BAIAP2L2: variants seen among roughly 807,000 people sequenced by gnomAD.
BAIAP2L2 encodes the protein BAR/IMD domain-containing adapter protein 2-like 2.
A neutral mutation model predicts 60.4 loss-of-function variants in BAIAP2L2; 65 were observed. That is an observed-to-expected ratio of 1.08 (90% CI 0.88 to 1.32). The LOEUF is 1.32. Ranked by LOEUF, BAIAP2L2 falls within the 40% of genes most tolerant of loss-of-function variation. The pLI is 0.00. For missense variants in BAIAP2L2, 836 were observed against 741.2 expected, an observed-to-expected ratio of 1.13 and a Z score of -1.48; for synonymous variants, 344 against 301.7, an observed-to-expected ratio of 1.14 and a Z score of -1.45.
chr22:38,086,761 C>G (rs2086088474), intron 11 of BAIAP2L2, among the ~76,000 whole-genome samples: 1 of 152,006 alleles, frequency 6.6e-6, no homozygotes, highest in African/African-American at 2.4e-5. Flanking sequence ...TTTGGGAGAC[C>G]GAGGTGGGTG....
In BAIAP2L2 at chr22:38,085,369, T is replaced by C; in HGVS notation, c.1521A>G (p.Thr507=). The C allele has an allele frequency of 1.2e-6, 2 of 1,613,840 alleles. No homozygotes were observed. The highest frequency in any genetic ancestry group is 1.1e-5 in the South Asian group (1 of 91,050). ...GAAGCTTGACAGTGGCAAAAGGATTTGTGCCCCTGTAGGAGGAGAGAGAGA... is the reference window on the plus strand; with the variant it reads ...GAAGCTTGACAGTGGCAAAAGGATTCGTGCCCCTGTAGGAGGAGAGAGAGA... ...YPPQELFPRG[T]NPFATVKLRP... Residue 507 remains threonine (T), a synonymous_variant, in exon 14 of 14, where the codon ACA becomes ACG. Coordinates refer to ENST00000381669, the MANE Select transcript of BAIAP2L2 (RefSeq NM_025045.6).
At chr22:38,089,482 GC>G in intron 8 of BAIAP2L2, 39 bp downstream of exon 8, 1 of 1,153,550 alleles carries the variant, frequency 8.7e-7, no homozygotes, top group Non-Finnish European at 1.1e-6. Context: ...GCGGGGGGCG[GC>G]GGGGGCGCGA....
rs1346231021 is a variant in BAIAP2L2, at chr22:38,097,088, AG to A, written c.555del (p.Phe186SerfsTer2). 1 of 1,613,988 alleles carries A rather than the reference AG, an allele frequency of 6.2e-7. No homozygotes were observed. The highest frequency in any genetic ancestry group is 1.7e-5 in the Admixed American group (1 of 60,008). On this transcript the variant is annotated frameshift_variant, in exon 7 of 14. Coordinates refer to ENST00000381669, the MANE Select transcript of BAIAP2L2 (RefSeq NM_025045.6). LOFTEE classifies it high-confidence loss of function. ...AGTAGCAGGTGCTTCTCTGCTAGGA[AG>A]CGATAGCGCCGCTTCTCTTCCAATT... is the stretch of plus-strand genomic sequence containing the variant. ...AAELEEKRRY[R>X]FLAEKHLLLS...
Position 38,087,238 on chromosome 22 carries a change from A to C in BAIAP2L2, c.1145T>G (p.Val382Gly). Residue 382 changes from valine (V) to glycine (G), a missense_variant, in exon 11 of 14, where the codon GTG becomes GGG. Coordinates refer to ENST00000381669, the MANE Select transcript of BAIAP2L2 (RefSeq NM_025045.6). ...CACGGGCCCCTCCTCCAGAGCCTTC[A>C]CGTACGCCTCGGGGAACCAACCGCT... ...SASGWFPEAYVKALEEGPVNP... is the reference protein window; with the variant it reads ...SASGWFPEAYGKALEEGPVNP... 1 of 1,606,924 alleles carries C rather than the reference A, an allele frequency of 6.2e-7. No individual in the cohort carries two copies.
chr22:38,089,244 T>C lies in BAIAP2L2; in HGVS notation c.766-13A>G, dbSNP rs577567396. On this transcript the variant is annotated splice_polypyrimidine_tract_variant and intron_variant, in intron 8 of 13. Coordinates refer to ENST00000381669, the MANE Select transcript of BAIAP2L2 (RefSeq NM_025045.6). ...GGGGCCTCGGGGGCTGCGGGGGAGA[T>C]GGGCAGGGGAGGGTGGGGCGGGGGG... 4 of 57,116 alleles carry C rather than the reference T, an allele frequency of 7.0e-5. No individual in the cohort carries two copies. In the East Asian group the frequency reaches 1.5e-3, roughly 22 times the overall value. 3.5% of individuals were successfully genotyped at this position (57,116 alleles called of 1,614,324 possible).
intron 13 of BAIAP2L2, 109 bp downstream of exon 13, chr22:38,085,577 G>T: frequency 1.4e-6 from 2 of 1,384,298 alleles, no homozygotes; most frequent in Non-Finnish European, 2.0e-6. Context: ...TTGAACTGTT[G>T]GAATCAAGAG....
Position 38,085,758 on chromosome 22 carries a change from GT to G in BAIAP2L2, c.1468-27del, listed in dbSNP as rs770174373. On this transcript the variant is annotated intron_variant, in intron 12 of 13. Transcript: ENST00000381669. ...CTGCAGTGGGGGTGGGGAAGGGCTG[GT>G]TTGGTGGGGAGAGGGGCAAGCAATC... 7 of 1,576,876 alleles carry G rather than the reference GT, an allele frequency of 4.4e-6. No individual in the cohort carries two copies. In the East Asian group the frequency reaches 1.6e-4, roughly 35 times the overall value.
chr22:38,105,955 C>T (rs928547393), intron 4 of BAIAP2L2, among the ~76,000 whole-genome samples: 8 of 152,206 alleles, frequency 5.3e-5, no homozygotes, highest in Non-Finnish European at 5.9e-5. Flanking sequence ...CCAGTTATCA[C>T]AGCTGAGATG....
At chr22:38,098,845 G>A (rs2086504615) in intron 4 of BAIAP2L2, among the ~76,000 whole-genome samples, 1 of 152,106 alleles carries the variant, frequency 6.6e-6, no homozygotes, top group East Asian at 1.9e-4. Flanking sequence ...ACTTTCCCAA[G>A]CAGAATCCAT....
In BAIAP2L2 at chr22:38,086,349, G is replaced by A. The variant is rs749648034; in HGVS notation, c.1360C>T (p.Arg454Cys). Reference protein sequence around the residue: ...SEYWDGQSRSRTPSRVPSRAP... With the variant: ...SEYWDGQSRSCTPSRVPSRAP... The stretch of plus-strand genomic sequence containing the variant: ...CGGCTTGGCACCCGGCTTGGGGTGC[G>A]GGAGCGGGACTGGCCATCCCAGTAC... The change falls in exon 12 of 14, where the codon CGC (arginine) becomes TGC (cysteine). Residue 454 changes from arginine to cysteine, a missense_variant. Physicochemically the swap from Arg to Cys is radical, Grantham distance 180. Transcript: ENST00000381669. The A allele has an allele frequency of 3.5e-5, 27 of 774,122 alleles. No homozygotes were observed. The highest frequency in any genetic ancestry group is 4.8e-5 in the Non-Finnish European group (25 of 525,026). 48.0% of individuals were successfully genotyped at this position (774,122 alleles called of 1,614,324 possible). A position where few individuals can be genotyped will look rare whatever the true frequency, so the allele number is the denominator to read the frequency against.
intron 6 of BAIAP2L2, 120 bp from the exon 7 acceptor site, chr22:38,097,298 A>AC (rs1299420195): frequency 6.7e-6 from 7 of 1,038,494 alleles, no homozygotes; most frequent in African/African-American, 3.5e-5. Context: ...CCCCAAGCCC[A>AC]CCCCCCATCA....
intron 12 of BAIAP2L2, 53 bp from the exon 13 acceptor site, chr22:38,085,785 C>T (rs2086046439): frequency 6.8e-7 from 1 of 1,464,160 alleles, no homozygotes; most frequent in Non-Finnish European, 9.3e-7. Context: ...GCAAGCAATC[C>T]CTTGCTCCTC....
chr22:38,100,023 T>C (rs906088827), intron 4 of BAIAP2L2, among the ~76,000 whole-genome samples: 3 of 152,244 alleles, frequency 2.0e-5, no homozygotes, highest in African/African-American at 7.2e-5. Flanking sequence ...AGGGTGCCTC[T>C]TTGGTACTGA....
At chr22:38,097,262 C>A in intron 6 of BAIAP2L2, 84 bp from the exon 7 acceptor site, 1 of 1,509,446 alleles carries the variant, frequency 6.6e-7, no homozygotes. Flanking sequence ...GCTGTTCAAG[C>A]CCCCTGTTCT....
At chr22:38,110,774 C>T (rs1382047895), upstream of BAIAP2L2, 5 of 517,654 alleles carry the variant, frequency 9.7e-6, no homozygotes, top group Non-Finnish European at 1.7e-5. Context: ...CGGGCAGGCT[C>T]GTGTGACCTG....
Position 38,088,706 on chromosome 22 carries a change from T to C in BAIAP2L2, c.1118+42A>G, listed in dbSNP as rs111318393. On this transcript the variant is annotated intron_variant, in intron 10 of 13. Coordinates refer to ENST00000381669, the MANE Select transcript of BAIAP2L2 (RefSeq NM_025045.6). The stretch of plus-strand genomic sequence containing the variant: ...CCCGGGTTCCCGGCCCCCAGGGCCT[T>C]CTTCTCAACCCACCCCCGGCCCCTC... 1.5e-4 allele frequency: 226 copies of C among 1,523,662 alleles called. 1 individual carries two copies. The African/African-American group carries it at 1.9e-3, about 13-fold the overall frequency. The allele number at this position is 1,523,662 out of a possible 1,614,324, so 94.4% of individuals were successfully genotyped here.
At chr22:38,086,182 C>A in intron 12 of BAIAP2L2, 60 bp downstream of exon 12, 1 of 1,538,998 alleles carries the variant, frequency 6.5e-7, no homozygotes. Flanking sequence ...GCCTCGGGAT[C>A]CCTGCTCTCC....
At chr22:38,101,981 G>A (rs530395237) in intron 4 of BAIAP2L2, among the ~76,000 whole-genome samples, 2 of 152,218 alleles carry the variant, frequency 1.3e-5, no homozygotes, top group South Asian at 2.1e-4. Flanking sequence ...AATCAGCACC[G>A]GCTGTGAGGT....
At chr22:38,098,533 G>GC (rs758903735) in intron 4 of BAIAP2L2, 51 bp from the exon 5 acceptor site, 1 of 1,499,184 alleles carries the variant, frequency 6.7e-7, no homozygotes, top group Admixed American at 1.7e-5. Context: ...CTGTTCCCAG[G>GC]CCCCAGCACC....
Sources: gnomAD v4.1 joint callset for allele counts (sites outside exome capture counted in the v4.1 genomes callset) on GRCh38, gnomAD v4.1.1 for gene constraint, MANE v1.5 for transcripts, NCBI Gene and HGNC (gene_info 2026-07-23, HGNC 2026-07-21) for gene names.